CSMD3: variants seen among roughly 807,000 people sequenced by gnomAD.
CSMD3 encodes CUB and Sushi multiple domains 3, also known as CUB and sushi domain-containing protein 3.
In CSMD3, 177 loss-of-function variants were observed where a neutral mutation model predicts 435.2. The ratio of observed to expected loss-of-function variants is 0.41; its 90% confidence interval spans 0.36 to 0.46. The LOEUF is 0.46. CSMD3 is among the 20% of genes least tolerant of loss of function. The pLI is 0.34. For missense variants in CSMD3, 4,265 were observed against 4,504.6 expected, an observed-to-expected ratio of 0.95 and a Z score of 1.52; for synonymous variants, 1,656 against 1,520.5, an observed-to-expected ratio of 1.09 and a Z score of -2.07.
chr8:112,387,981 G>A (rs1830118724), intron 36 of CSMD3, among the ~76,000 whole-genome samples: 1 of 152,150 alleles, frequency 6.6e-6, no homozygotes, highest in African/African-American at 2.4e-5. Flanking sequence ...CAGATAATTA[G>A]TAGTAACATT....
intron 1 of CSMD3, chr8:113,377,123 T>A: frequency 7.9e-7 from 1 of 1,259,112 alleles, no homozygotes; most frequent in Non-Finnish European, 1.0e-6. Flanking sequence ...GTCGTCCGGC[T>A]CTCCGGTCCT....
intron 55 of CSMD3, 81 bp downstream of exon 55, chr8:112,292,456 C>A: frequency 7.0e-7 from 1 of 1,420,140 alleles, no homozygotes; most frequent in South Asian, 1.1e-5. Flanking sequence ...CTATTCTGCT[C>A]AAGCTGTTTT....
chr8:112,496,824 A>T (rs894843364), intron 30 of CSMD3, among the ~76,000 whole-genome samples: 1 of 151,998 alleles, frequency 6.6e-6, no homozygotes, highest in African/African-American at 2.4e-5. Context: ...TTGGGGGGAA[A>T]GTGGGGATAG....
chr8:112,538,223 AC>A (rs1207866719), intron 27 of CSMD3, among the ~76,000 whole-genome samples: 1 of 152,050 alleles, frequency 6.6e-6, no homozygotes, highest in African/African-American at 2.4e-5. Flanking sequence ...TATACAACAA[AC>A]CCACAGCTAA....
chr8:112,563,659 G>A (rs1828831381), intron 24 of CSMD3, among the ~76,000 whole-genome samples: 3 of 152,068 alleles, frequency 2.0e-5, no homozygotes, highest in Non-Finnish European at 2.9e-5. Flanking sequence ...TATAGTTGGT[G>A]TAATCTAAAT....
intron 13 of CSMD3, among the ~76,000 whole-genome samples, chr8:112,716,452 T>C (rs770494641): frequency 6.6e-6 from 1 of 152,200 alleles, no homozygotes; most frequent in Non-Finnish European, 1.5e-5. Context: ...AAACATTCCA[T>C]GTTCATATAT....
At chr8:113,172,016 T>C (rs998867169) in intron 4 of CSMD3, among the ~76,000 whole-genome samples, 1 of 152,154 alleles carries the variant, frequency 6.6e-6, no homozygotes, top group East Asian at 1.9e-4. Context: ...CCATTTAGTA[T>C]GTTGTGCAGG....
At chr8:112,724,258 T>G (rs892197235) in intron 13 of CSMD3, among the ~76,000 whole-genome samples, 2 of 151,892 alleles carry the variant, frequency 1.3e-5, no homozygotes, top group African/African-American at 4.8e-5. Context: ...AAGGAATATG[T>G]CTAAGTGAAG....
chr8:112,364,139 T>A (rs1827526759), intron 38 of CSMD3, among the ~76,000 whole-genome samples: 1 of 152,002 alleles, frequency 6.6e-6, no homozygotes, highest in African/African-American at 2.4e-5. Flanking sequence ...TAATAACAGT[T>A]ATGCTGAATT....
At chr8:112,664,692 G>A (rs531250418) in intron 17 of CSMD3, among the ~76,000 whole-genome samples, 166 of 152,208 alleles carry the variant, frequency 1.1e-3, no homozygotes, top group African/African-American at 3.9e-3. Flanking sequence ...AAGGTAAAGT[G>A]AGATCATATA....
intron 4 of CSMD3, among the ~76,000 whole-genome samples, chr8:113,105,277 G>A (rs1008950691): frequency 6.6e-6 from 1 of 151,986 alleles, no homozygotes; most frequent in Admixed American, 6.6e-5. Flanking sequence ...CTAAGAAGGA[G>A]AGCCCTATTA....
chr8:112,444,807 C>T (rs543433151), intron 32 of CSMD3, among the ~76,000 whole-genome samples: 2 of 152,238 alleles, frequency 1.3e-5, no homozygotes, highest in African/African-American at 4.8e-5. Context: ...TAAGAGTGTA[C>T]ACACTTGTCA....
chr8:112,344,160 G>C (rs1159018171), intron 41 of CSMD3, among the ~76,000 whole-genome samples: 2 of 152,152 alleles, frequency 1.3e-5, no homozygotes, highest in Admixed American at 1.3e-4. Flanking sequence ...GGGATTACAG[G>C]TGTGAGACAC....
At chr8:113,110,648 C>T (rs1019514714) in intron 4 of CSMD3, among the ~76,000 whole-genome samples, 1 of 152,142 alleles carries the variant, frequency 6.6e-6, no homozygotes, top group African/African-American at 2.4e-5. Flanking sequence ...TTTCTGAACC[C>T]TCACCAAGAT....
intron 1 of CSMD3, among the ~76,000 whole-genome samples, chr8:113,412,574 C>A (rs2094564299): frequency 1.3e-5 from 2 of 152,082 alleles, no homozygotes; most frequent in South Asian, 4.1e-4. Flanking sequence ...GATATATCAA[C>A]TTCATGTTGA....
At chr8:112,642,314 T>A (rs2074853336) in intron 20 of CSMD3, among the ~76,000 whole-genome samples, 1 of 152,136 alleles carries the variant, frequency 6.6e-6, no homozygotes, top group East Asian at 1.9e-4. Flanking sequence ...CGTAACTATT[T>A]ATAATTAGCA....
intron 27 of CSMD3, among the ~76,000 whole-genome samples, chr8:112,521,102 T>G (rs1163151197): frequency 6.6e-6 from 1 of 152,044 alleles, no homozygotes; most frequent in Non-Finnish European, 1.5e-5. Context: ...CTCAGTCGCA[T>G]GTACAGTACT....
chr8:113,087,556 T>A (rs1301063693), intron 5 of CSMD3, among the ~76,000 whole-genome samples: 1 of 152,032 alleles, frequency 6.6e-6, no homozygotes, highest in Non-Finnish European at 1.5e-5. Flanking sequence ...TAATGCCGCA[T>A]ATCTACAACT....
At chr8:112,518,197 G>A (rs1030259468) in intron 27 of CSMD3, among the ~76,000 whole-genome samples, 3 of 151,990 alleles carry the variant, frequency 2.0e-5, no homozygotes, top group Non-Finnish European at 2.9e-5. Context: ...CATTCTTGAA[G>A]TGGCAACATT....
Sources: gnomAD v4.1 joint callset for allele counts (sites outside exome capture counted in the v4.1 genomes callset) on GRCh38, gnomAD v4.1.1 for gene constraint, MANE v1.5 for transcripts, NCBI Gene and HGNC (gene_info 2026-07-23, HGNC 2026-07-21) for gene names.